The following AUTS2 variants were observed in gnomAD, a reference collection of about 807,000 sequenced individuals.
AUTS2 encodes activator of transcription and developmental regulator AUTS2, also known as autism susceptibility gene 2 protein.
Under a neutral mutation model 112.4 loss-of-function variants are expected in AUTS2, and 17 were observed. That is an observed-to-expected ratio of 0.15 (90% CI 0.10 to 0.23). The LOEUF (loss-of-function observed/expected upper bound fraction) is 0.23, where lower values mean the gene tolerates loss of function less well. Ranked by LOEUF, AUTS2 falls within the 10% of genes least tolerant of loss-of-function variation. AUTS2 has a pLI of 1.00. For missense variants in AUTS2, 1,510 were observed against 1,701.6 expected (o/e 0.89, Z 1.98); for synonymous variants, 751 against 702.7 (o/e 1.07, Z -1.09).
intron 5 of AUTS2, among the ~76,000 whole-genome samples, chr7:70,618,243 C>T (rs372467886): frequency 3.5e-4 from 53 of 152,236 alleles, no homozygotes; most frequent in African/African-American, 1.2e-3. Context: ...AAGTGGTTGC[C>T]GTGGGCTTTT....
At chr7:69,935,604 A>G (rs1796379137) in intron 2 of AUTS2, among the ~76,000 whole-genome samples, 1 of 152,122 alleles carries the variant, frequency 6.6e-6, no homozygotes, top group South Asian at 2.1e-4. Flanking sequence ...AATTAAAGAG[A>G]GTAAGAAAGG....
intron 4 of AUTS2, among the ~76,000 whole-genome samples, chr7:70,334,786 A>C (rs746743873): frequency 2.4e-4 from 37 of 152,286 alleles, no homozygotes; most frequent in Non-Finnish European, 4.6e-4. Flanking sequence ...CTGTGTGATA[A>C]ATCTTATGAT....
At chr7:70,707,083 C>T (rs1428639423) in intron 6 of AUTS2, among the ~76,000 whole-genome samples, 1 of 152,158 alleles carries the variant, frequency 6.6e-6, no homozygotes, top group African/African-American at 2.4e-5. Flanking sequence ...TGAAACGAGG[C>T]AATGGATAGA....
At chr7:70,118,343 C>T in intron 3 of AUTS2, 110 bp downstream of exon 3, 1 of 1,271,426 alleles carries the variant, frequency 7.9e-7, no homozygotes, top group Non-Finnish European at 1.0e-6. Context: ...ATCTTTAGAA[C>T]TTTTTGTCTA....
At chr7:70,594,456 G>T (rs1416335762) in intron 5 of AUTS2, among the ~76,000 whole-genome samples, 1 of 152,192 alleles carries the variant, frequency 6.6e-6, no homozygotes, top group East Asian at 1.9e-4. Context: ...GATAGCATTG[G>T]TGAGCTGGCT....
At chr7:69,733,266 T>A (rs921381540) in intron 1 of AUTS2, among the ~76,000 whole-genome samples, 3 of 152,122 alleles carry the variant, frequency 2.0e-5, no homozygotes, top group Non-Finnish European at 2.9e-5. Flanking sequence ...GGGGGCAAAT[T>A]TGATGCAAGA....
At chr7:70,331,625 TC>T (rs908263685) in intron 4 of AUTS2, among the ~76,000 whole-genome samples, 9 of 151,884 alleles carry the variant, frequency 5.9e-5, no homozygotes, top group African/African-American at 1.9e-4. Context: ...TCCACCATAA[TC>T]AAGTCGGCTT....
intron 1 of AUTS2, among the ~76,000 whole-genome samples, chr7:69,755,019 A>G (rs1350362006): frequency 6.6e-6 from 1 of 152,164 alleles, no homozygotes; most frequent in African/African-American, 2.4e-5. Flanking sequence ...ATCTCTTTCA[A>G]CATTCCCATG....
chr7:70,204,695 G>T (rs760233324), intron 4 of AUTS2, among the ~76,000 whole-genome samples: 6 of 152,030 alleles, frequency 3.9e-5, no homozygotes, highest in Non-Finnish European at 8.8e-5. Context: ...GGAACCTTCT[G>T]TTTATCATTG....
At chr7:69,862,333 T>C (rs773779163) in intron 1 of AUTS2, among the ~76,000 whole-genome samples, 1 of 152,024 alleles carries the variant, frequency 6.6e-6, no homozygotes, top group Non-Finnish European at 1.5e-5. Flanking sequence ...CAAGGAGAAA[T>C]GAAAGAACCA....
intron 6 of AUTS2, among the ~76,000 whole-genome samples, chr7:70,753,132 C>CCTGATAGGGTTAATATCAGGGTTAA (rs1308684500): frequency 1.3e-5 from 2 of 152,020 alleles, no homozygotes; most frequent in African/African-American, 2.4e-5. Context: ...GCAGATTAAC[C>CCTGATAGGGTTAATATCAGGGTTAA]CCTATCAGGG....
intron 4 of AUTS2, among the ~76,000 whole-genome samples, chr7:70,371,479 G>A (rs10264819): frequency 2.4e-4 from 36 of 152,330 alleles, no homozygotes; most frequent in African/African-American, 7.9e-4. Flanking sequence ...GCAGTGTGCA[G>A]TCTTCTCCAA....
At chr7:70,729,653 G>T (rs1787250788) in intron 6 of AUTS2, among the ~76,000 whole-genome samples, 1 of 152,188 alleles carries the variant, frequency 6.6e-6, no homozygotes, top group Non-Finnish European at 1.5e-5. Flanking sequence ...CTGTACTGTA[G>T]GTAATAAAGC....
chr7:70,053,125 A>G (rs1384421312), intron 2 of AUTS2, among the ~76,000 whole-genome samples: 2 of 152,226 alleles, frequency 1.3e-5, no homozygotes, highest in Non-Finnish European at 2.9e-5. Context: ...TTCATAATAT[A>G]AAATAAGAGA....
At chr7:70,128,187 C>T (rs939772686) in intron 3 of AUTS2, among the ~76,000 whole-genome samples, 2 of 152,036 alleles carry the variant, frequency 1.3e-5, no homozygotes, top group African/African-American at 2.4e-5. Flanking sequence ...TTTTCCATTC[C>T]TGTCCCATAC....
At chr7:70,537,865 G>A (rs560595085) in intron 5 of AUTS2, among the ~76,000 whole-genome samples, 2 of 152,270 alleles carry the variant, frequency 1.3e-5, no homozygotes, top group South Asian at 2.1e-4. Context: ...CCTGACTGCC[G>A]AACAAAATGT....
chr7:69,659,871 T>G (rs1189811400), intron 1 of AUTS2, among the ~76,000 whole-genome samples: 2 of 152,220 alleles, frequency 1.3e-5, no homozygotes, highest in African/African-American at 4.8e-5. Flanking sequence ...CTTTCTAACC[T>G]GTTATTTTGT....
chr7:70,136,524 C>T (rs1034812980), intron 4 of AUTS2, among the ~76,000 whole-genome samples: 11 of 152,126 alleles, frequency 7.2e-5, no homozygotes, highest in African/African-American at 2.4e-4. Flanking sequence ...GAGTTTCATA[C>T]TTCTAAGTGG....
chr7:70,740,298 G>A (rs1045342834), intron 6 of AUTS2, among the ~76,000 whole-genome samples: 7 of 152,328 alleles, frequency 4.6e-5, no homozygotes, highest in East Asian at 1.9e-4. Flanking sequence ...GACCTTACAC[G>A]TGGTGCTATT....
Sources: allele counts gnomAD v4.1 joint callset (sites outside exome capture counted in the v4.1 genomes callset), GRCh38; gene constraint gnomAD v4.1.1; transcripts MANE v1.5; gene names NCBI Gene and HGNC (gene_info 2026-07-23, HGNC 2026-07-21).